Variants in FRMPD3 observed in about 807,000 individuals in gnomAD.
FRMPD3 encodes FERM and PDZ domain containing 3.
FRMPD3 carries 42 observed loss-of-function variants against 97.9 expected under a neutral mutation model. The observed-to-expected ratio is 0.43, with a 90% CI of 0.34 to 0.55. The LOEUF is 0.55. Among genes scored for constraint, FRMPD3 ranks in the 20% least tolerant of loss-of-function variants. The pLI is 0.03. For synonymous variants in FRMPD3, 577 were observed against 581.1 expected, an observed-to-expected ratio of 0.99 and a Z score of 0.10; for missense variants, 1,303 against 1,457.7, an observed-to-expected ratio of 0.89 and a Z score of 1.73.
intron 3 of FRMPD3, 37 bp from the exon 4 acceptor site, chrX:107,533,468 T>C: frequency 8.6e-7 from 1 of 1,161,462 alleles, no homozygotes; most frequent in Non-Finnish European, 1.2e-6. Flanking sequence ...ACCTAGTGCA[T>C]GATACACTAC....
In FRMPD3 at chrX:107,506,883, C is replaced by G. The variant is rs771607504; in HGVS notation, c.-7-19699C>G. Among the ~76,000 whole-genome samples, 3 of 112,103 alleles carry G rather than the reference C, an allele frequency of 2.7e-5. No individual in the cohort carries two copies. In the South Asian group the frequency reaches 1.1e-3, roughly 42 times the overall value. On this transcript the variant is annotated intron_variant, in intron 1 of 14. Coordinates refer to ENST00000683843, the MANE Select transcript of FRMPD3 (RefSeq NM_001388459.1). Reference sequence around the variant, plus strand: ...GGCAGGTTTCTAAGGTGTCTTCCTACAGACACCGCTGCTGCTACCTTGCTA... The same window carrying G: ...GGCAGGTTTCTAAGGTGTCTTCCTAGAGACACCGCTGCTGCTACCTTGCTA...
chrX:107,550,205 A>G (rs762952929), intron 6 of FRMPD3, 49 bp downstream of exon 6: 6 of 852,497 alleles, frequency 7.0e-6, no homozygotes, highest in Non-Finnish European at 1.0e-5. Context: ...TCCAGAGTAC[A>G]TGCAGTTGTG....
chrX:107,575,932 A>G (rs966487066), intron 12 of FRMPD3, among the ~76,000 whole-genome samples: 8 of 111,752 alleles, frequency 7.2e-5, no homozygotes, highest in African/African-American at 2.3e-4. Flanking sequence ...AGGGTGTTCT[A>G]GGCCATTCTG....
chrX:107,603,016 C>G lies in FRMPD3; in HGVS notation c.4977C>G (p.Ile1659Met). The G allele has an allele frequency of 8.3e-7, 1 of 1,211,335 alleles. No individual in the cohort carries two copies. The change falls in exon 15 of 15, where the codon ATC (isoleucine) becomes ATG (methionine). Residue 1659 changes from isoleucine (I) to methionine (M), a missense_variant. Physicochemically the swap from Ile to Met is conservative, Grantham distance 10. This residue lies in a region of FRMPD3 where 764 missense variants were observed against 820.2 expected (regional missense o/e 0.93). Coordinates refer to ENST00000683843, the MANE Select transcript of FRMPD3 (RefSeq NM_001388459.1). ...GCCCAACTCACATGCTGGCAGCCAT[C>G]ACGGGCAGCTTCCAGGTGCTGAGCA... The part of the protein sequence containing the change: ...DKSPTHMLAA[I>M]TGSFQVLSSL...
At chrX:107,509,114 C>T (rs1390496659) in intron 1 of FRMPD3, among the ~76,000 whole-genome samples, 1 of 112,079 alleles carries the variant, frequency 8.9e-6, no homozygotes, top group East Asian at 2.8e-4. Context: ...GAGCTGAAAC[C>T]TGAAACCTGA....
At chrX:107,508,548 C>T (rs1922088735) in intron 1 of FRMPD3, among the ~76,000 whole-genome samples, 1 of 111,712 alleles carries the variant, frequency 9.0e-6, no homozygotes, top group Non-Finnish European at 1.9e-5. Flanking sequence ...AGAGGTTAAC[C>T]AATTTGCCAC....
rs1266019423 is a variant in FRMPD3 at position 107,552,807 on chromosome X, A to G, written c.523A>G (p.Thr175Ala). The G allele has an allele frequency of 8.3e-7, 1 of 1,208,307 alleles. No individual in the cohort carries two copies. The highest frequency in any genetic ancestry group is 1.1e-6 in the Non-Finnish European group (1 of 894,557). ...TTCTGTCCCACAGGATGTGATGTTG[A>G]CATTACAGGACCGCCTTTCCCTGAG... is the stretch of plus-strand genomic sequence containing the variant. ...GRTTVKDVML[T>A]LQDRLSLRFI... The change falls in exon 7 of 15, where the codon ACA becomes GCA. Residue 175 changes from threonine to alanine, a missense_variant. Physicochemically the swap from Thr to Ala is moderately conservative, Grantham distance 58. This residue lies in a region of FRMPD3 where 535 missense variants were observed against 618.6 expected (regional missense o/e 0.86). Coordinates refer to ENST00000683843, the MANE Select transcript of FRMPD3 (RefSeq NM_001388459.1).
intron 14 of FRMPD3, among the ~76,000 whole-genome samples, chrX:107,598,399 G>T (rs1398042938): frequency 4.2e-4 from 47 of 112,328 alleles, no homozygotes; most frequent in African/African-American, 1.4e-3. Context: ...CCCAGGGATT[G>T]GGGTCATGAC....
At chrX:107,572,539 A>G (rs937186933) in intron 12 of FRMPD3, among the ~76,000 whole-genome samples, 1 of 111,280 alleles carries the variant, frequency 9.0e-6, no homozygotes, top group African/African-American at 3.3e-5. Context: ...GGAGTTCGAG[A>G]CTAGCCTGAC....
chrX:107,498,469 CCTCTCCTAA>C (rs2147527379), intron 1 of FRMPD3, among the ~76,000 whole-genome samples: 1 of 111,926 alleles, frequency 8.9e-6, no homozygotes, highest in East Asian at 2.8e-4. Flanking sequence ...TGAAGAAAAT[CCTCTCCTAA>C]TTTAGGGGGC....
chrX:107,481,139 C>T (rs768987486), intron 1 of FRMPD3, among the ~76,000 whole-genome samples: 3 of 111,629 alleles, frequency 2.7e-5, no homozygotes, highest in African/African-American at 6.5e-5. Context: ...GTCAAAAGGA[C>T]GGACCTGTGA....
intron 13 of FRMPD3, among the ~76,000 whole-genome samples, chrX:107,593,941 C>T (rs73249850): frequency 0.029 from 3,207 of 111,283 alleles, 52 homozygotes; most frequent in Admixed American, 0.057. Flanking sequence ...ATGGGAATAG[C>T]GTTGAATTTG....
intron 1 of FRMPD3, among the ~76,000 whole-genome samples, chrX:107,460,802 T>A (rs1043716041): frequency 9.0e-6 from 1 of 111,678 alleles, no homozygotes; most frequent in Non-Finnish European, 1.9e-5. Flanking sequence ...CTCACAGGGC[T>A]GACAAGGGTC....
At chrX:107,512,628 G>A (rs1171744082) in intron 1 of FRMPD3, among the ~76,000 whole-genome samples, 2 of 110,077 alleles carry the variant, frequency 1.8e-5, no homozygotes, top group Non-Finnish European at 1.9e-5. Flanking sequence ...CATCTCTCCC[G>A]TTCTGGCTCA....
At chrX:107,467,547 C>T (rs1197256996) in intron 1 of FRMPD3, among the ~76,000 whole-genome samples, 1 of 111,472 alleles carries the variant, frequency 9.0e-6, no homozygotes, top group Admixed American at 9.5e-5. Flanking sequence ...CGTGTCTGGC[C>T]GATTTCCCCT....
intron 1 of FRMPD3, among the ~76,000 whole-genome samples, chrX:107,499,108 A>G (rs1231276658): frequency 1.8e-5 from 2 of 111,206 alleles, no homozygotes; most frequent in Non-Finnish European, 3.8e-5. Context: ...AAAAAAAAAG[A>G]AAAAAGACAT....
intron 1 of FRMPD3, among the ~76,000 whole-genome samples, chrX:107,471,256 C>T (rs769442005): frequency 1.9e-5 from 2 of 107,774 alleles, no homozygotes; most frequent in East Asian, 5.8e-4. Flanking sequence ...CTCTTCTTTC[C>T]CTTCCTTCCT....
At chrX:107,538,590 TCTC>T (rs1010446576) in intron 4 of FRMPD3, among the ~76,000 whole-genome samples, 3 of 101,849 alleles carry the variant, frequency 2.9e-5, no homozygotes, top group Middle Eastern at 4.6e-3. Context: ...AATCTGCAAG[TCTC>T]CTTCTATTAA....
intron 1 of FRMPD3, among the ~76,000 whole-genome samples, chrX:107,470,690 G>A: frequency 8.9e-6 from 1 of 112,442 alleles, no homozygotes; most frequent in Non-Finnish European, 1.9e-5. Flanking sequence ...AGGAGGTGGG[G>A]ATTATTTGGC....
Sources: allele counts gnomAD v4.1 joint callset (sites outside exome capture counted in the v4.1 genomes callset), GRCh38; gene constraint gnomAD v4.1.1; regional missense constraint gnomAD v4.1.1; transcripts MANE v1.5; gene names NCBI Gene and HGNC (gene_info 2026-07-23, HGNC 2026-07-21).